GTF2IRD1: variants seen among roughly 807,000 people sequenced by gnomAD.
GTF2IRD1 encodes GTF2I repeat domain containing 1.
In GTF2IRD1, 26 loss-of-function variants were observed where a neutral mutation model predicts 113.2. The observed-to-expected ratio is 0.23, with a 90% CI of 0.17 to 0.32. GTF2IRD1 has a LOEUF of 0.32. Ranked by LOEUF, GTF2IRD1 falls within the 10% of genes least tolerant of loss-of-function variation. GTF2IRD1 has a pLI of 1.00. For missense variants in GTF2IRD1, 864 were observed against 1,280.8 expected, an observed-to-expected ratio of 0.67 and a Z score of 4.97; for synonymous variants, 484 against 529.1, an observed-to-expected ratio of 0.91 and a Z score of 1.17.
At chr7:74,498,475 C>A (rs1368151357) in intron 1 of GTF2IRD1, among the ~76,000 whole-genome samples, 1 of 152,148 alleles carries the variant, frequency 6.6e-6, no homozygotes, top group Non-Finnish European at 1.5e-5. Context: ...AACCAAGCTT[C>A]TTCCCTTGCT....
At chr7:74,478,640 G>A (rs1794566046) in intron 1 of GTF2IRD1, among the ~76,000 whole-genome samples, 1 of 151,826 alleles carries the variant, frequency 6.6e-6, no homozygotes, top group South Asian at 2.1e-4. Flanking sequence ...GCTTTTAGTA[G>A]AGATGGGGTT....
chr7:74,491,718 C>A (rs1554336751), intron 1 of GTF2IRD1, among the ~76,000 whole-genome samples: 1 of 152,132 alleles, frequency 6.6e-6, no homozygotes, highest in Non-Finnish European at 1.5e-5. Flanking sequence ...TTTCTTTACC[C>A]AGTCTATCAT....
intron 22 of GTF2IRD1, among the ~76,000 whole-genome samples, chr7:74,572,009 G>A (rs1026679457): frequency 6.6e-6 from 1 of 152,180 alleles, no homozygotes; most frequent in African/African-American, 2.4e-5. Context: ...TTTTCAGGGG[G>A]TACAAGTGGA....
chr7:74,574,385 C>T (rs186879367), intron 22 of GTF2IRD1, among the ~76,000 whole-genome samples: 5 of 151,632 alleles, frequency 3.3e-5, no homozygotes, highest in African/African-American at 4.8e-5. Context: ...TTCAAGGGAT[C>T]TCACCGCCTT....
At chr7:74,502,566 G>A (rs1796086506) in intron 1 of GTF2IRD1, among the ~76,000 whole-genome samples, 1 of 152,222 alleles carries the variant, frequency 6.6e-6, no homozygotes, top group African/African-American at 2.4e-5. Flanking sequence ...GAAAGTGGGC[G>A]CTCTGGGCCG....
Position 74,478,813 on chromosome 7 carries a change from A to G in GTF2IRD1, c.-7+24637A>G, listed in dbSNP as rs375532271. Among the ~76,000 whole-genome samples the G allele has an allele frequency of 2.5e-4, 38 of 151,136 alleles. No homozygotes were observed. In the East Asian group the frequency reaches 4.5e-3, roughly 18 times the overall value. ...CAGGCTGGAGTGCAGTAGCGTGATCATGGCTCACTGCAACCTCTGCCTCCT... is the reference window on the plus strand; with the variant it reads ...CAGGCTGGAGTGCAGTAGCGTGATCGTGGCTCACTGCAACCTCTGCCTCCT... On this transcript the variant is annotated intron_variant, in intron 1 of 26. Coordinates refer to ENST00000424337, the MANE Select transcript of GTF2IRD1 (RefSeq NM_005685.4).
chr7:74,457,745 G>A (rs1006924121), intron 1 of GTF2IRD1, among the ~76,000 whole-genome samples: 3 of 152,132 alleles, frequency 2.0e-5, no homozygotes, highest in South Asian at 2.1e-4. Flanking sequence ...CAAGCCAGGG[G>A]TGTATGCCCA....
intron 3 of GTF2IRD1, among the ~76,000 whole-genome samples, chr7:74,514,832 C>T (rs1796833430): frequency 6.6e-6 from 1 of 151,758 alleles, no homozygotes; most frequent in South Asian, 2.1e-4. Context: ...CACCTGTAAT[C>T]CCAGCACTTT....
chr7:74,595,406 G>GAA (rs1278467469), intron 25 of GTF2IRD1, among the ~76,000 whole-genome samples: 1 of 126,136 alleles, frequency 7.9e-6, no homozygotes, highest in Non-Finnish European at 1.7e-5. Context: ...ACTCCATCTC[G>GAA]AAAAAAAGAA....
At chr7:74,481,268 C>T (rs782197577) in intron 1 of GTF2IRD1, among the ~76,000 whole-genome samples, 31 of 152,244 alleles carry the variant, frequency 2.0e-4, no homozygotes, top group Non-Finnish European at 1.3e-4. Flanking sequence ...CATCCTCCCA[C>T]CTCAGCTTTC....
At position 74,524,173 on chromosome 7, in the gene GTF2IRD1, C is replaced by A. The variant is rs373764877; in HGVS notation, c.1090+19C>A. The A allele has an allele frequency of 1.3e-6, 2 of 1,557,454 alleles. No individual in the cohort carries two copies. Among genetic ancestry groups the A allele is most frequent in the African/African-American group, 1.4e-5 (1 of 73,844 alleles). On this transcript the variant is annotated intron_variant, in intron 8 of 26. Coordinates refer to ENST00000424337, the MANE Select transcript of GTF2IRD1 (RefSeq NM_005685.4). ...AGATATGGTGAGTGGGCGGCGCGGC[C>A]CGCCGTGTGGCCCCAGCAGCCGTGT...
At chr7:74,564,030 GT>G (rs1317287742) in intron 22 of GTF2IRD1, among the ~76,000 whole-genome samples, 1 of 151,480 alleles carries the variant, frequency 6.6e-6, no homozygotes, top group Admixed American at 6.6e-5. Flanking sequence ...GTTTTGTTTT[GT>G]TTTTTTGTTT....
chr7:74,528,601 G>A (rs1177428134), intron 8 of GTF2IRD1, among the ~76,000 whole-genome samples: 1 of 151,704 alleles, frequency 6.6e-6, no homozygotes, highest in Non-Finnish European at 1.5e-5. Flanking sequence ...GACAGACACA[G>A]CAGGGGAGGG....
intron 8 of GTF2IRD1, among the ~76,000 whole-genome samples, chr7:74,524,485 G>A (rs1432580464): frequency 2.0e-5 from 3 of 152,178 alleles, no homozygotes; most frequent in Non-Finnish European, 4.4e-5. Flanking sequence ...AGCACTTTGG[G>A]AGGCCACGGT....
intron 22 of GTF2IRD1, among the ~76,000 whole-genome samples, chr7:74,569,652 G>C (rs1182623142): frequency 6.6e-6 from 1 of 152,188 alleles, no homozygotes; most frequent in Non-Finnish European, 1.5e-5. Flanking sequence ...CCCACCAAGG[G>C]TGGATTAGAG....
At chr7:74,495,198 G>A (rs1022753540) in intron 1 of GTF2IRD1, among the ~76,000 whole-genome samples, 1 of 152,214 alleles carries the variant, frequency 6.6e-6, no homozygotes, top group Non-Finnish European at 1.5e-5. Flanking sequence ...GTGGGTGCAG[G>A]CTCCAGGTGG....
intron 1 of GTF2IRD1, among the ~76,000 whole-genome samples, chr7:74,503,233 G>A (rs1796126273): frequency 6.6e-6 from 1 of 152,078 alleles, no homozygotes; most frequent in Admixed American, 6.6e-5. Flanking sequence ...ATGAGGTAGG[G>A]CACAGGAGCC....
intron 7 of GTF2IRD1, 111 bp downstream of exon 7, chr7:74,521,408 C>A: frequency 1.4e-6 from 1 of 723,218 alleles, no homozygotes; most frequent in South Asian, 1.5e-5. Context: ...AAAGGAGGAA[C>A]AGCTCTGCTC....
intron 22 of GTF2IRD1, among the ~76,000 whole-genome samples, chr7:74,573,615 T>C (rs970997144): frequency 5.9e-5 from 9 of 152,132 alleles, no homozygotes; most frequent in African/African-American, 2.2e-4. Context: ...CCAGGCACCT[T>C]GTGCAGAACA....
Sources: allele counts gnomAD v4.1 joint callset (sites outside exome capture counted in the v4.1 genomes callset), GRCh38; gene constraint gnomAD v4.1.1; transcripts MANE v1.5; gene names NCBI Gene and HGNC (gene_info 2026-07-23, HGNC 2026-07-21).